The following YWHAG variants were observed in gnomAD, a reference collection of about 807,000 sequenced individuals.
YWHAG encodes 14-3-3 protein gamma.
A neutral mutation model predicts 23.3 loss-of-function variants in YWHAG; 1 was observed. The observed-to-expected ratio is 0.04, with a 90% CI of 0.02 to 0.20. The LOEUF (loss-of-function observed/expected upper bound fraction) is 0.20, where lower values mean the gene tolerates loss of function less well. Ranked by LOEUF, YWHAG falls within the 10% of genes least tolerant of loss-of-function variation. YWHAG has a pLI of 1.00. For missense variants in YWHAG, 151 were observed against 338.6 expected, an observed-to-expected ratio of 0.45 and a Z score of 4.35; for synonymous variants, 160 against 144.0, an observed-to-expected ratio of 1.11 and a Z score of -0.80.
chr7:76,351,595 G>A (rs967917667), intron 1 of YWHAG, among the ~76,000 whole-genome samples: 1 of 152,172 alleles, frequency 6.6e-6, no homozygotes, highest in Admixed American at 6.5e-5. Flanking sequence ...TCCGCCTCCT[G>A]TCAGATCAGC....
rs374668527 is a variant in YWHAG at position 76,332,796 on chromosome 7, C to T, written c.88-2563G>A. Among the ~76,000 whole-genome samples, 3 of 151,830 alleles carry T rather than the reference C, an allele frequency of 2.0e-5. No homozygotes were observed. The East Asian group carries it at 5.8e-4, about 30-fold the overall frequency. ...ATGTCGGCTCACTGCAACCTCCCCC[C>T]AAGTTCAAGCGATTCTCCTGCCTCA... On this transcript the variant is annotated intron_variant, in intron 1 of 1. Coordinates refer to ENST00000307630, the MANE Select transcript of YWHAG (RefSeq NM_012479.4).
chr7:76,338,272 C>T (rs951159391), intron 1 of YWHAG, among the ~76,000 whole-genome samples: 1 of 152,070 alleles, frequency 6.6e-6, no homozygotes, highest in African/African-American at 2.4e-5. Flanking sequence ...TTTCCAGCAG[C>T]GATCACCCTG....
intron 1 of YWHAG, among the ~76,000 whole-genome samples, chr7:76,333,852 T>C (rs2109857): frequency 0.64 from 97,957 of 152,212 alleles, 33,188 homozygotes; most frequent in East Asian, 0.94. Flanking sequence ...CTAAATCATG[T>C]TGTCCTTATT....
intron 1 of YWHAG, among the ~76,000 whole-genome samples, chr7:76,331,043 A>C (rs1216640058): frequency 6.6e-6 from 1 of 152,234 alleles, no homozygotes; most frequent in African/African-American, 2.4e-5. Context: ...CAATAATACT[A>C]AATTTATTTA....
Position 76,334,735 on chromosome 7 carries a change from A to AAAAG in YWHAG, c.88-4506_88-4503dup, listed in dbSNP as rs1188769204. On this transcript the variant is annotated intron_variant, in intron 1 of 1. Transcript: ENST00000307630. ...CTAACCTTCTTCTTCTTTAAAAAAA[A>AAAAG]AAAGAAAGAAAGAAAGAAAAGAAAA... is the stretch of plus-strand genomic sequence containing the variant. 8.1e-4 allele frequency among the ~76,000 whole-genome samples: 121 copies of AAAAG among 149,166 alleles called. 2 individuals are homozygous for AAAAG. The highest frequency in any genetic ancestry group is 4.0e-4 in the East Asian group (2 of 5,004).
rs1803468773 is a variant in YWHAG at position 76,327,689 on chromosome 7, C to CCCCCCCCCCCCCCCCCA, written c.*1887_*1888insTGGGGGGGGGGGGGGGG. ...CCCTGCCCCCCCCCCCCTCCCCCCCCAAATCGTCTTCCTCCCATGGCAATG... is the reference window on the plus strand; with the variant it reads ...CCCTGCCCCCCCCCCCCTCCCCCCCCCCCCCCCCCCCCCCCCAAAATCGTCTTCCTCCCATGGCAATG... On this transcript the variant is annotated 3_prime_UTR_variant, in exon 2 of 2. Transcript: ENST00000307630. 9.1e-6 allele frequency: 1 copy of CCCCCCCCCCCCCCCCCA among 110,178 alleles called. No homozygotes were observed. The highest frequency in any genetic ancestry group is 4.0e-5 in the African/African-American group (1 of 25,206). 6.8% of individuals were successfully genotyped at this position (110,178 alleles called of 1,614,324 possible). A position where few individuals can be genotyped will look rare whatever the true frequency, so the allele number is the denominator to read the frequency against.
At chr7:76,358,581 C>T in intron 1 of YWHAG, 141 bp downstream of exon 1, 2 of 799,108 alleles carry the variant, frequency 2.5e-6, no homozygotes, top group Non-Finnish European at 3.7e-6. Flanking sequence ...CCTCTCGGGA[C>T]CCTCCCCAGC....
At chr7:76,341,261 G>A (rs572114744) in intron 1 of YWHAG, among the ~76,000 whole-genome samples, 13 of 151,912 alleles carry the variant, frequency 8.6e-5, no homozygotes, top group Admixed American at 1.3e-4. Flanking sequence ...AAAATGAGCC[G>A]GGCATGGTGG....
chr7:76,330,280 C>A (rs1316946064), intron 1 of YWHAG, 47 bp from the exon 2 acceptor site: 1 of 1,559,364 alleles, frequency 6.4e-7, no homozygotes, highest in East Asian at 2.2e-5. Context: ...ATGGTGTCCA[C>A]TGGGTTAACT....
chr7:76,352,558 C>T (rs1803891098), intron 1 of YWHAG, among the ~76,000 whole-genome samples: 1 of 152,090 alleles, frequency 6.6e-6, no homozygotes, highest in African/African-American at 2.4e-5. Flanking sequence ...GGTTAAGAAG[C>T]CCAAGAGTTT....
rs111963103 is a variant in YWHAG, at chr7:76,328,498, A to C, written c.*1079T>G. Reference sequence around the variant, plus strand: ...TCTACCAGTAGGCTTCTAGCACCTGAATTTTCACACACTGCACCACAGACC... The same window carrying C: ...TCTACCAGTAGGCTTCTAGCACCTGCATTTTCACACACTGCACCACAGACC... On this transcript the variant is annotated 3_prime_UTR_variant, in exon 2 of 2. Transcript: ENST00000307630. The C allele has an allele frequency of 2.6e-5, 4 of 152,166 alleles. No individual in the cohort carries two copies. Among genetic ancestry groups the C allele is most frequent in the Non-Finnish European group, 5.9e-5 (4 of 68,032 alleles). 9.4% of individuals were successfully genotyped at this position (152,166 alleles called of 1,614,324 possible). A position where few individuals can be genotyped will look rare whatever the true frequency, so the allele number is the denominator to read the frequency against.
intron 1 of YWHAG, among the ~76,000 whole-genome samples, chr7:76,349,857 G>T (rs1026706109): frequency 6.0e-4 from 91 of 152,268 alleles, no homozygotes; most frequent in African/African-American, 2.1e-3. Context: ...AGCCAGGCGT[G>T]GTGGTGGGCA....
At chr7:76,331,549 A>AT (rs774893313) in intron 1 of YWHAG, among the ~76,000 whole-genome samples, 2,294 of 140,626 alleles carry the variant, frequency 0.016, 51 homozygotes, top group African/African-American at 0.051. Flanking sequence ...TCTTTTTGCG[A>AT]TTTTTTTTTT....
intron 1 of YWHAG, among the ~76,000 whole-genome samples, chr7:76,352,568 T>A (rs1583994363): frequency 6.6e-6 from 1 of 152,190 alleles, no homozygotes; most frequent in East Asian, 1.9e-4. Context: ...CCCAAGAGTT[T>A]ATTTGGAATA....
intron 1 of YWHAG, among the ~76,000 whole-genome samples, chr7:76,339,370 G>A (rs982759897): frequency 2.0e-5 from 3 of 151,796 alleles, no homozygotes; most frequent in African/African-American, 4.8e-5. Flanking sequence ...CTCGGGAGGC[G>A]GAGACAGGAG....
rs78443195 is a variant in YWHAG at position 76,354,573 on chromosome 7, T to A, written c.87+4149A>T. ...TAAAATAAGGTTAGGACTGCTGATA[T>A]TGGGAATGGGCAAAGAAGGGAAAAG... is the stretch of plus-strand genomic sequence containing the variant. On this transcript the variant is annotated intron_variant, in intron 1 of 1. Coordinates refer to ENST00000307630, the MANE Select transcript of YWHAG (RefSeq NM_012479.4). Among the ~76,000 whole-genome samples, 35 of 152,274 alleles carry A rather than the reference T, an allele frequency of 2.3e-4. 1 individual carries two copies. Among genetic ancestry groups the A allele is most frequent in the Admixed American group, 2.2e-3 (33 of 15,290 alleles).
chr7:76,353,355 G>A (rs1803901942), intron 1 of YWHAG, among the ~76,000 whole-genome samples: 2 of 152,036 alleles, frequency 1.3e-5, no homozygotes, highest in Admixed American at 1.3e-4. Flanking sequence ...TAGGATTACA[G>A]GTGCATGCCA....
At chr7:76,345,466 G>A (rs1803764869) in intron 1 of YWHAG, among the ~76,000 whole-genome samples, 2 of 151,808 alleles carry the variant, frequency 1.3e-5, no homozygotes, top group African/African-American at 4.8e-5. Flanking sequence ...GATTACAGGC[G>A]TGAGCCACCG....
chr7:76,358,868 T>C lies in YWHAG; in HGVS notation c.-60A>G. 4 of 1,494,226 alleles carry C rather than the reference T, an allele frequency of 2.7e-6. No homozygotes were observed. The highest frequency in any genetic ancestry group is 3.6e-6 in the Non-Finnish European group (4 of 1,106,352). 92.6% of individuals were successfully genotyped at this position (1,494,226 alleles called of 1,614,324 possible). A position where few individuals can be genotyped will look rare whatever the true frequency, so the allele number is the denominator to read the frequency against. On this transcript the variant is annotated 5_prime_UTR_variant, in exon 1 of 2. Transcript: ENST00000307630. Reference sequence around the variant, plus strand: ...GGACACTGGGGCGGCCTGAAGGGCTTGGAGGGCGCGACTGGAGCCCAAGTG... The same window carrying C: ...GGACACTGGGGCGGCCTGAAGGGCTCGGAGGGCGCGACTGGAGCCCAAGTG...
Sources: allele counts gnomAD v4.1 joint callset (sites outside exome capture counted in the v4.1 genomes callset), GRCh38; gene constraint gnomAD v4.1.1; transcripts MANE v1.5; gene names NCBI Gene and HGNC (gene_info 2026-07-23, HGNC 2026-07-21).